PYGO1: variants seen among roughly 807,000 people sequenced by gnomAD.
PYGO1 encodes the protein pygopus homolog 1.
A neutral mutation model predicts 29.5 loss-of-function variants in PYGO1; 6 were observed. The observed-to-expected ratio is 0.20, with a 90% CI of 0.11 to 0.40. The LOEUF (loss-of-function observed/expected upper bound fraction) is 0.40. Ranked by LOEUF, PYGO1 falls within the 10% of genes least tolerant of loss-of-function variation. The probability of loss-of-function intolerance (pLI) is 1.00; values close to 1 mark genes in which losing one functional copy is unlikely to be tolerated. For synonymous variants in PYGO1, 186 were observed against 180.5 expected (o/e 1.03, Z -0.24); for missense variants, 515 against 514.9 (o/e 1.00, Z 0.00).
chr15:55,588,722 A>C, upstream of PYGO1: 1 of 1,470,746 alleles, frequency 6.8e-7, no homozygotes, highest in Non-Finnish European at 9.5e-7. Context: ...TTTCGCAAGG[A>C]AAGGGCATCT....
At position 55,539,405 on chromosome 15, in the gene PYGO1, TTGTC is replaced by T. The variant is rs2058819802; in HGVS notation, c.*6614_*6617del. The T allele has an allele frequency of 6.6e-6, 1 of 152,062 alleles. No homozygotes were observed. The highest frequency in any genetic ancestry group is 2.4e-5 in the African/African-American group (1 of 41,434). 9.4% of individuals were successfully genotyped at this position (152,062 alleles called of 1,614,324 possible). On this transcript the variant is annotated 3_prime_UTR_variant, in exon 3 of 3. Transcript: ENST00000563719. ...CAATCAGTTATCAAGCCAATTTCAT[TTGTC>T]TGAGAATTGTAACCTGGTCATTAAC... is the stretch of plus-strand genomic sequence containing the variant.
At chr15:55,572,876 AAAAT>A (rs2058985590) in intron 1 of PYGO1, among the ~76,000 whole-genome samples, 1 of 151,994 alleles carries the variant, frequency 6.6e-6, no homozygotes, top group Admixed American at 6.6e-5. Context: ...AAAGACAAAA[AAAAT>A]AAATAAATAA....
In PYGO1 at chr15:55,548,914, G is replaced by A. The variant is rs778686163; in HGVS notation, c.131C>T (p.Thr44Ile). 5.0e-6 allele frequency: 8 copies of A among 1,611,208 alleles called. 1 individual carries two copies. In the Admixed American group the frequency reaches 1.2e-4, roughly 24 times the overall value. Residue 44 changes from threonine (T) to isoleucine (I), a missense_variant, in exon 2 of 3, where the codon ACA (threonine) becomes ATA (isoleucine). Transcript: ENST00000563719. ...SPDKKKRKAN[T>I]QGPSFPPLSE... ...TTAAAGAAAATGTCAGTTTACCTGTGTATTTGCCTTGCGCTTTTTCTTATC... is the reference window on the plus strand; with the variant it reads ...TTAAAGAAAATGTCAGTTTACCTGTATATTTGCCTTGCGCTTTTTCTTATC...
At position 55,540,400 on chromosome 15, in the gene PYGO1, T is replaced by C. The variant is rs1253948577; in HGVS notation, c.*5623A>G. On this transcript the variant is annotated 3_prime_UTR_variant, in exon 3 of 3. Coordinates refer to ENST00000563719, the MANE Select transcript of PYGO1 (RefSeq NM_001367806.1). The stretch of plus-strand genomic sequence containing the variant: ...AAAAGTTACTATATAATTTTAGTAG[T>C]ATGTGCTAAAAAATCCTAATATGCA... The C allele has an allele frequency of 2.6e-5, 4 of 152,108 alleles. No individual in the cohort carries two copies. Among genetic ancestry groups the C allele is most frequent in the Non-Finnish European group, 1.5e-5 (1 of 67,950 alleles). 9.4% of individuals were successfully genotyped at this position (152,108 alleles called of 1,614,324 possible). A position where few individuals can be genotyped will look rare whatever the true frequency, so the allele number is the denominator to read the frequency against.
chr15:55,551,341 A>G (rs1488991537), intron 1 of PYGO1, among the ~76,000 whole-genome samples: 1 of 152,216 alleles, frequency 6.6e-6, no homozygotes, highest in African/African-American at 2.4e-5. Context: ...ATAACAAATT[A>G]CCACATACTT....
chr15:55,568,940 C>A (rs2058968908), intron 1 of PYGO1, among the ~76,000 whole-genome samples: 1 of 152,118 alleles, frequency 6.6e-6, no homozygotes, highest in African/African-American at 2.4e-5. Context: ...GGACTGAAAC[C>A]TACTTAATCA....
intron 1 of PYGO1, among the ~76,000 whole-genome samples, chr15:55,572,879 AT>A (rs368005187): frequency 0.013 from 1,989 of 151,974 alleles, 14 homozygotes; most frequent in Non-Finnish European, 0.019. Flanking sequence ...GACAAAAAAA[AT>A]AAATAAATAA....
At chr15:55,584,106 CTTTTTT>C (rs61436067) in intron 1 of PYGO1, among the ~76,000 whole-genome samples, 8 of 123,150 alleles carry the variant, frequency 6.5e-5, no homozygotes, top group Admixed American at 8.7e-5. Flanking sequence ...GGTGTCATAC[CTTTTTT>C]TTTTTTTTTT....
chr15:55,585,214 T>C (rs371726602), intron 1 of PYGO1, among the ~76,000 whole-genome samples: 3 of 152,234 alleles, frequency 2.0e-5, no homozygotes, highest in African/African-American at 4.8e-5. Context: ...TGTGTATTTA[T>C]ACACATATGT....
rs1207006682 is a variant in PYGO1 at position 55,541,425 on chromosome 15, G to C, written c.*4598C>G. ...AGTCACAACAGCCTAAAGGAAACTG[G>C]AAGTACCCTCAGACAGTACCAGCTA... On this transcript the variant is annotated 3_prime_UTR_variant, in exon 3 of 3. Transcript: ENST00000563719. 1 of 152,198 alleles carries C rather than the reference G, an allele frequency of 6.6e-6. No individual in the cohort carries two copies. Among genetic ancestry groups the C allele is most frequent in the Non-Finnish European group, 1.5e-5 (1 of 68,032 alleles). The allele number at this position is 152,198 out of a possible 1,614,324, so 9.4% of individuals were successfully genotyped here. A position where few individuals can be genotyped will look rare whatever the true frequency, so the allele number is the denominator to read the frequency against.
At chr15:55,579,756 A>T (rs534383579) in intron 1 of PYGO1, among the ~76,000 whole-genome samples, 1 of 152,196 alleles carries the variant, frequency 6.6e-6, no homozygotes, top group East Asian at 1.9e-4. Flanking sequence ...GACAAAATAT[A>T]CTCTTAATGG....
rs545235061 is a variant in PYGO1, at chr15:55,565,220, G to T, written c.50-16225C>A. 1.2e-3 allele frequency among the ~76,000 whole-genome samples: 183 copies of T among 152,056 alleles called. 3 individuals are homozygous for T. The highest frequency in any genetic ancestry group is 4.3e-3 in the African/African-American group (177 of 41,488). On this transcript the variant is annotated intron_variant, in intron 1 of 2. Transcript: ENST00000563719. ...ATTCACAGTACTGAGCATTACACAG[G>T]GAGGTACACTAGCAGGATGGGACAT...
rs553186651 is a variant in PYGO1, at chr15:55,545,774, G to A, written c.*249C>T. ...TTTTGAAGTTTCAAGAGGCTTTTAT[G>A]TTTGTGATAAATAACAACAACTAAC... On this transcript the variant is annotated 3_prime_UTR_variant, in exon 3 of 3. Coordinates refer to ENST00000563719, the MANE Select transcript of PYGO1 (RefSeq NM_001367806.1). 3 of 339,370 alleles carry A rather than the reference G, an allele frequency of 8.8e-6. No homozygotes were observed. Among genetic ancestry groups the A allele is most frequent in the Admixed American group, 4.4e-5 (1 of 22,532 alleles). 21.0% of individuals were successfully genotyped at this position (339,370 alleles called of 1,614,324 possible).
chr15:55,550,635 T>A (rs1437431940), intron 1 of PYGO1, among the ~76,000 whole-genome samples: 1 of 152,244 alleles, frequency 6.6e-6, no homozygotes, highest in Non-Finnish European at 1.5e-5. Flanking sequence ...ATGTGGAAGT[T>A]CCTTCCTGCA....
At chr15:55,566,484 G>A (rs150207245) in intron 1 of PYGO1, among the ~76,000 whole-genome samples, 9 of 151,956 alleles carry the variant, frequency 5.9e-5, no homozygotes, top group African/African-American at 2.2e-4. Context: ...ACCACTGATG[G>A]GCACCTAGGT....
rs1014282805 is a variant in PYGO1 at position 55,544,991 on chromosome 15, T to A, written c.*1032A>T. On this transcript the variant is annotated 3_prime_UTR_variant, in exon 3 of 3. Coordinates refer to ENST00000563719, the MANE Select transcript of PYGO1 (RefSeq NM_001367806.1). ...CAAATTGTTGTTTGCAAGTTAGATT[T>A]CACTTTGGCTCTTAATTGATCTTTG... 1 of 152,190 alleles carries A rather than the reference T, an allele frequency of 6.6e-6. No individual in the cohort carries two copies. Among genetic ancestry groups the A allele is most frequent in the African/African-American group, 2.4e-5 (1 of 41,442 alleles). 9.4% of individuals were successfully genotyped at this position (152,190 alleles called of 1,614,324 possible).
chr15:55,577,066 T>C (rs2059006092), intron 1 of PYGO1, among the ~76,000 whole-genome samples: 1 of 152,044 alleles, frequency 6.6e-6, no homozygotes, highest in Non-Finnish European at 1.5e-5. Context: ...TCTGTTGAAT[T>C]TCACCCTGCC....
At chr15:55,565,590 C>A (rs572305156) in intron 1 of PYGO1, among the ~76,000 whole-genome samples, 2 of 151,788 alleles carry the variant, frequency 1.3e-5, no homozygotes, top group African/African-American at 2.4e-5. Context: ...TAGCGGGCAC[C>A]TGTAGTCCCA....
chr15:55,573,008 T>TAAA (rs35553781), intron 1 of PYGO1, among the ~76,000 whole-genome samples: 12 of 137,646 alleles, frequency 8.7e-5, no homozygotes, highest in African/African-American at 2.8e-4. Context: ...ACTCTGTCTT[T>TAAA]AAAAAAAAAA....
Sources: allele counts gnomAD v4.1 joint callset (sites outside exome capture counted in the v4.1 genomes callset), GRCh38; gene constraint gnomAD v4.1.1; transcripts MANE v1.5; gene names NCBI Gene and HGNC (gene_info 2026-07-23, HGNC 2026-07-21).